SGCZ: variants seen among roughly 807,000 people sequenced by gnomAD.
SGCZ encodes the protein zeta-sarcoglycan.
SGCZ carries 40 observed loss-of-function variants against 41.3 expected under a neutral mutation model. The ratio of observed to expected loss-of-function variants is 0.97; its 90% CI spans 0.75 to 1.26. SGCZ has a LOEUF of 1.26. Among genes scored for constraint, SGCZ ranks in the 50% most tolerant of loss-of-function variants. SGCZ has a pLI of 0.00. For missense variants in SGCZ, 552 were observed against 369.8 expected (o/e 1.49, Z -4.04); for synonymous variants, 206 against 137.5 (o/e 1.50, Z -3.49).
chr8:14,212,405 G>T (rs918881928), intron 4 of SGCZ, among the ~76,000 whole-genome samples: 9 of 149,620 alleles, frequency 6.0e-5, no homozygotes, highest in Non-Finnish European at 1.3e-4. Flanking sequence ...CATCAAGCAG[G>T]AGCTTTAATA....
chr8:15,031,550 A>C (rs1411563804), intron 1 of SGCZ, among the ~76,000 whole-genome samples: 1 of 152,146 alleles, frequency 6.6e-6, no homozygotes. Context: ...CCTCACAACA[A>C]CCCTGTGAGG....
chr8:14,808,665 A>AGTGTGGCGATTC (rs1801633789), intron 1 of SGCZ, among the ~76,000 whole-genome samples: 1 of 152,284 alleles, frequency 6.6e-6, no homozygotes, highest in Middle Eastern at 3.4e-3. Flanking sequence ...TGTGGAAGTC[A>AGTGTGGCGATTC]GTGTGGCGAT....
At chr8:14,150,216 C>G (rs1330902282) in intron 5 of SGCZ, among the ~76,000 whole-genome samples, 1 of 151,826 alleles carries the variant, frequency 6.6e-6, no homozygotes, top group African/African-American at 2.4e-5. Context: ...TTATGATCAA[C>G]AAAGTGAGTC....
At position 14,544,355 on chromosome 8, in the gene SGCZ, A is replaced by C. The variant is rs1471207102; in HGVS notation, c.234+10377T>G. Reference sequence around the variant, plus strand: ...TGTTTGAACAATATGAAATCAGTGCACCTTGAAAAATAACAGAATAATAGC... The same window carrying C: ...TGTTTGAACAATATGAAATCAGTGCCCCTTGAAAAATAACAGAATAATAGC... On this transcript the variant is annotated intron_variant, in intron 2 of 7. Transcript: ENST00000382080. Among the ~76,000 whole-genome samples, 5 of 152,266 alleles carry C rather than the reference A, an allele frequency of 3.3e-5. No homozygotes were observed. The East Asian group carries it at 7.7e-4, about 24-fold the overall frequency.
At chr8:14,708,116 T>G (rs557887749) in intron 1 of SGCZ, among the ~76,000 whole-genome samples, 50 of 152,120 alleles carry the variant, frequency 3.3e-4, no homozygotes, top group African/African-American at 1.1e-3. Flanking sequence ...TTCTATAAAT[T>G]CAAATTTAAT....
chr8:14,410,984 T>C (rs1293259789), intron 2 of SGCZ, among the ~76,000 whole-genome samples: 2 of 152,136 alleles, frequency 1.3e-5, no homozygotes, highest in Admixed American at 6.6e-5. Context: ...ATAGCAATTT[T>C]AAAAACAAGA....
chr8:14,812,247 T>A (rs1297473053), intron 1 of SGCZ, among the ~76,000 whole-genome samples: 2 of 152,102 alleles, frequency 1.3e-5, no homozygotes, highest in African/African-American at 4.8e-5. Context: ...ATCAATTTAT[T>A]TTTTCCAACA....
rs192354163 is a variant in SGCZ at position 15,137,776 on chromosome 8, T to G, written c.39+99809A>C. On this transcript the variant is annotated intron_variant, in intron 1 of 7. Transcript: ENST00000382080. ...ATGTATGAATGTCCAGGCAGAAGTTTGCTGCAGAGATGGATCCCTCATGGA... is the reference window on the plus strand; with the variant it reads ...ATGTATGAATGTCCAGGCAGAAGTTGGCTGCAGAGATGGATCCCTCATGGA... 1.4e-4 allele frequency among the ~76,000 whole-genome samples: 21 copies of G among 152,346 alleles called. No individual in the cohort carries two copies. The East Asian group carries it at 3.9e-3, about 28-fold the overall frequency.
At chr8:14,576,399 C>G (rs1439196696) in intron 1 of SGCZ, among the ~76,000 whole-genome samples, 1 of 152,042 alleles carries the variant, frequency 6.6e-6, no homozygotes, top group African/African-American at 2.4e-5. Flanking sequence ...TGGGGGGACC[C>G]AGGTTCTGAA....
intron 1 of SGCZ, among the ~76,000 whole-genome samples, chr8:14,569,634 T>G (rs902966310): frequency 1.6e-4 from 24 of 152,112 alleles, no homozygotes; most frequent in African/African-American, 5.6e-4. Context: ...AAAACATAAA[T>G]GTAACATATG....
intron 1 of SGCZ, among the ~76,000 whole-genome samples, chr8:14,728,841 C>A (rs2130227237): frequency 6.6e-6 from 1 of 152,256 alleles, no homozygotes; most frequent in Admixed American, 6.5e-5. Flanking sequence ...AAATACATCC[C>A]AAGTTCTAAA....
rs918125586 is a variant in SGCZ at position 14,564,251 on chromosome 8, C to A, written c.40-9325G>T. Among the ~76,000 whole-genome samples the A allele has an allele frequency of 2.0e-5, 3 of 152,188 alleles. No individual in the cohort carries two copies. The South Asian group carries it at 6.2e-4, about 31-fold the overall frequency. The stretch of plus-strand genomic sequence containing the variant: ...ATTCCAAAACCTCTTCAGTTCCTTA[C>A]TGGGAGTGTTGATATTCCAGGAGAA... On this transcript the variant is annotated intron_variant, in intron 1 of 7. Coordinates refer to ENST00000382080, the MANE Select transcript of SGCZ (RefSeq NM_139167.4).
intron 1 of SGCZ, among the ~76,000 whole-genome samples, chr8:14,555,548 C>A (rs1449258049): frequency 6.6e-6 from 1 of 152,006 alleles, no homozygotes; most frequent in Non-Finnish European, 1.5e-5. Flanking sequence ...TCTATGCTTC[C>A]TGTACAGCCT....
At chr8:14,698,645 T>C (rs940907277) in intron 1 of SGCZ, among the ~76,000 whole-genome samples, 2 of 151,930 alleles carry the variant, frequency 1.3e-5, no homozygotes, top group African/African-American at 4.8e-5. Flanking sequence ...GGTATAATCA[T>C]GACATATTAT....
chr8:14,698,009 T>A (rs1406811833), intron 1 of SGCZ, among the ~76,000 whole-genome samples: 1 of 152,032 alleles, frequency 6.6e-6, no homozygotes, highest in Non-Finnish European at 1.5e-5. Context: ...GGAATTATTT[T>A]CATTTCAAAA....
chr8:14,409,956 G>A (rs1201004073), intron 2 of SGCZ, among the ~76,000 whole-genome samples: 1 of 151,984 alleles, frequency 6.6e-6, no homozygotes, highest in African/African-American at 2.4e-5. Flanking sequence ...GAGTTTATTA[G>A]AACAGGGGTC....
intron 2 of SGCZ, among the ~76,000 whole-genome samples, chr8:14,507,899 G>T (rs1303905444): frequency 6.6e-6 from 1 of 151,804 alleles, no homozygotes; most frequent in East Asian, 1.9e-4. Context: ...AGCCTTTCTG[G>T]TAGCTGGGAT....
At chr8:14,679,318 G>A (rs1220569361) in intron 1 of SGCZ, among the ~76,000 whole-genome samples, 1 of 151,806 alleles carries the variant, frequency 6.6e-6, no homozygotes, top group Non-Finnish European at 1.5e-5. Flanking sequence ...AGATCTTTCA[G>A]GAGGTATTTC....
At chr8:15,085,721 T>C (rs569057754) in intron 1 of SGCZ, among the ~76,000 whole-genome samples, 57 of 152,264 alleles carry the variant, frequency 3.7e-4, no homozygotes, top group Admixed American at 7.9e-4. Context: ...TTTGCTACTC[T>C]TTTTTTCCTC....
Sources: allele counts gnomAD v4.1 joint callset (sites outside exome capture counted in the v4.1 genomes callset), GRCh38; gene constraint gnomAD v4.1.1; transcripts MANE v1.5; gene names NCBI Gene and HGNC (gene_info 2026-07-23, HGNC 2026-07-21).